The following ZNF623 variants were observed in gnomAD, a reference collection of about 807,000 sequenced individuals.
The protein encoded by ZNF623 is zinc finger protein 623.
ZNF623 carries 16 observed loss-of-function variants against 24.0 expected under a neutral mutation model. The observed-to-expected ratio is 0.67, with a 90% CI of 0.45 to 1.01. The LOEUF (loss-of-function observed/expected upper bound fraction) is 1.01, where lower values mean the gene tolerates loss of function less well. Among genes scored for constraint, ZNF623 ranks in the 50% least tolerant of loss-of-function variants. ZNF623 has a pLI of 0.00. For synonymous variants in ZNF623, 224 were observed against 219.8 expected, an observed-to-expected ratio of 1.02 and a Z score of -0.17; for missense variants, 566 against 606.5, an observed-to-expected ratio of 0.93 and a Z score of 0.70.
chr8:143,645,335 G>A (rs758480280), intron 1 of ZNF623, among the ~76,000 whole-genome samples: 5 of 151,370 alleles, frequency 3.3e-5, no homozygotes, highest in African/African-American at 4.9e-5. Context: ...CCAGTTGCTC[G>A]GCAGGAGAAT....
At chr8:143,639,905 A>G (rs1459263442) in intron 1 of ZNF623, among the ~76,000 whole-genome samples, 1 of 152,162 alleles carries the variant, frequency 6.6e-6, no homozygotes, top group Non-Finnish European at 1.5e-5. Flanking sequence ...TTCTCGCCTC[A>G]TCTTGGTCAC....
At chr8:143,647,809 C>T (rs1815208196) in intron 1 of ZNF623, among the ~76,000 whole-genome samples, 1 of 152,172 alleles carries the variant, frequency 6.6e-6, no homozygotes, top group Non-Finnish European at 1.5e-5. Context: ...GAGAAGTAAG[C>T]AGGTGGGAGG....
At chr8:143,638,981 C>T (rs965517746) in intron 1 of ZNF623, among the ~76,000 whole-genome samples, 38 of 151,720 alleles carry the variant, frequency 2.5e-4, no homozygotes, top group African/African-American at 8.5e-4. Context: ...CACCCTCTGC[C>T]GCCCAGGTTC....
At chr8:143,646,183 A>T (rs768712726) in intron 1 of ZNF623, among the ~76,000 whole-genome samples, 2 of 152,148 alleles carry the variant, frequency 1.3e-5, no homozygotes, top group Non-Finnish European at 2.9e-5. Context: ...CTGGGACCAC[A>T]GGTATGCAAC....
intron 1 of ZNF623, among the ~76,000 whole-genome samples, chr8:143,641,061 A>G (rs1038411659): frequency 6.7e-6 from 1 of 149,888 alleles, no homozygotes; most frequent in African/African-American, 2.5e-5. Context: ...CTCTCTTGCT[A>G]TTTTCACCAC....
intron 1 of ZNF623, among the ~76,000 whole-genome samples, chr8:143,636,769 G>C (rs1419112182): frequency 6.6e-6 from 1 of 152,204 alleles, no homozygotes; most frequent in Non-Finnish European, 1.5e-5. Context: ...GTGTGGCTAC[G>C]CTGTCCTGCT....
At chr8:143,644,166 G>T (rs192173901) in intron 1 of ZNF623, among the ~76,000 whole-genome samples, 1,528 of 152,212 alleles carry the variant, frequency 0.01, 20 homozygotes, top group South Asian at 0.02. Context: ...GATTACAGGT[G>T]CATGCCACCA....
intron 1 of ZNF623, 109 bp downstream of exon 1, chr8:143,636,254 G>A (rs1814918007): frequency 6.6e-6 from 1 of 152,118 alleles, no homozygotes; most frequent in African/African-American, 2.4e-5. Context: ...GGGCCGGGCG[G>A]GGTCCGCAGG....
In ZNF623 at chr8:143,652,279, G is replaced by A. The variant is rs1815347340; in HGVS notation, c.*796G>A. ...CAGAATGATGTGATAGACTATCTCT[G>A]TCACTATGCTGTTGGGTTCCTGAGG... On this transcript the variant is annotated 3_prime_UTR_variant, in exon 2 of 2. Transcript: ENST00000526926. 6.0e-6 allele frequency: 1 copy of A among 167,050 alleles called. No individual in the cohort carries two copies. Among genetic ancestry groups the A allele is most frequent in the Admixed American group, 6.5e-5 (1 of 15,278 alleles). 10.3% of individuals were successfully genotyped at this position (167,050 alleles called of 1,614,324 possible).
chr8:143,637,107 C>A (rs1814941784), intron 1 of ZNF623, among the ~76,000 whole-genome samples: 1 of 152,216 alleles, frequency 6.6e-6, no homozygotes, highest in South Asian at 2.1e-4. Context: ...GGGGCGGGGG[C>A]AGTTGACAGC....
At position 143,649,915 on chromosome 8, in the gene ZNF623, G is replaced by A; in HGVS notation, c.-78G>A. The A allele has an allele frequency of 6.2e-7, 1 of 1,612,268 alleles. No homozygotes were observed. The highest frequency in any genetic ancestry group is 8.5e-7 in the Non-Finnish European group (1 of 1,178,624). Reference sequence around the variant, plus strand: ...TGTTTCAGATTCTAATGTAGGAACTGGTGAGAAGAAGGTGACTGAAGCCTG... The same window carrying A: ...TGTTTCAGATTCTAATGTAGGAACTAGTGAGAAGAAGGTGACTGAAGCCTG... On this transcript the variant is annotated 5_prime_UTR_variant, in exon 2 of 2. Coordinates refer to ENST00000526926, the MANE Select transcript of ZNF623 (RefSeq NM_001261843.2).
At chr8:143,641,329 C>A (rs532926328) in intron 1 of ZNF623, among the ~76,000 whole-genome samples, 1 of 152,186 alleles carries the variant, frequency 6.6e-6, no homozygotes, top group African/African-American at 2.4e-5. Context: ...GTTGGAGTGA[C>A]TCCCAGCCAG....
rs560050437 is a variant in ZNF623, at chr8:143,653,194, G to A, written c.*1711G>A. The A allele has an allele frequency of 2.8e-4, 46 of 167,150 alleles. No homozygotes were observed. The highest frequency in any genetic ancestry group is 1.0e-3 in the South Asian group (5 of 4,820). 10.4% of individuals were successfully genotyped at this position (167,150 alleles called of 1,614,324 possible). A position where few individuals can be genotyped will look rare whatever the true frequency, so the allele number is the denominator to read the frequency against. ...TAAATGGACAGTGGACAGCCGCCTCGCCAAACTGTTAGTCTTTACCTCTGA... is the reference window on the plus strand; with the variant it reads ...TAAATGGACAGTGGACAGCCGCCTCACCAAACTGTTAGTCTTTACCTCTGA... On this transcript the variant is annotated 3_prime_UTR_variant, in exon 2 of 2. Coordinates refer to ENST00000526926, the MANE Select transcript of ZNF623 (RefSeq NM_001261843.2).
chr8:143,637,536 ATATT>A (rs72024244), intron 1 of ZNF623, among the ~76,000 whole-genome samples: 35 of 150,854 alleles, frequency 2.3e-4, no homozygotes, highest in South Asian at 4.2e-4. Context: ...ATTTCAAGTG[ATATT>A]TATTTATTTA....
chr8:143,650,547 C>T lies in ZNF623; in HGVS notation c.555C>T (p.His185=), dbSNP rs756703021. 6.2e-7 allele frequency: 1 copy of T among 1,614,014 alleles called. No homozygotes were observed. Among genetic ancestry groups the T allele is most frequent in the Admixed American group, 1.7e-5 (1 of 60,008 alleles). The change falls in exon 2 of 2, where the codon CAC becomes CAT. Residue 185 remains histidine (H), a synonymous_variant. Transcript: ENST00000526926. This position sits in a 1 kb window ranked among gnomAD's most constrained non-coding sequence, Gnocchi z 5.2. ...GTCACAGTTCAGACCTGATTAGGCA[C>T]CAGAGAGTTCACACCAGAGAGAGAC... ...AFCHSSDLIR[H]QRVHTRERPF... is the part of the protein sequence containing the mutation.
At chr8:143,648,263 C>CG (rs977340439) in intron 1 of ZNF623, among the ~76,000 whole-genome samples, 1 of 152,054 alleles carries the variant, frequency 6.6e-6, no homozygotes, top group Non-Finnish European at 1.5e-5. Context: ...ATCAGTGAGG[C>CG]GGGTAGGGAA....
At chr8:143,649,289 A>C (rs548715049) in intron 1 of ZNF623, among the ~76,000 whole-genome samples, 5 of 146,384 alleles carry the variant, frequency 3.4e-5, no homozygotes, top group Non-Finnish European at 7.4e-5. Context: ...AAAAAAAAAA[A>C]ACAAAAACAA....
chr8:143,649,135 G>C (rs541270004), intron 1 of ZNF623, among the ~76,000 whole-genome samples: 2 of 151,940 alleles, frequency 1.3e-5, no homozygotes. Context: ...AAAATTAGCC[G>C]GGCGTGGTGG....
Position 143,651,420 on chromosome 8 carries a change from T to TAA in ZNF623, c.1429_1430dup (p.Ala478ArgfsTer11). The TAA allele has an allele frequency of 6.2e-7, 1 of 1,612,486 alleles. No individual in the cohort carries two copies. The highest frequency in any genetic ancestry group is 2.2e-5 in the East Asian group (1 of 44,886). ...TTCACCAAGAGGGACTCTCCTTGAGTAAGGCCCCCATACATTTGGGTGAGA... is the reference window on the plus strand; with the variant it reads ...TTCACCAAGAGGGACTCTCCTTGAGTAAAAGGCCCCCATACATTTGGGTGAGA... On this transcript the variant is annotated frameshift_variant, in exon 2 of 2. Coordinates refer to ENST00000526926, the MANE Select transcript of ZNF623 (RefSeq NM_001261843.2). LOFTEE classifies it high-confidence loss of function.
Sources: gnomAD v4.1 joint callset for allele counts (sites outside exome capture counted in the v4.1 genomes callset) on GRCh38, gnomAD v4.1.1 for gene constraint, Gnocchi (gnomAD v3.1) non-coding constraint, MANE v1.5 for transcripts, NCBI Gene and HGNC (gene_info 2026-07-23, HGNC 2026-07-21) for gene names.